CCDC17: variants seen among roughly 807,000 people sequenced by gnomAD.
The protein encoded by CCDC17 is coiled-coil domain-containing protein 17.
In CCDC17, 79 loss-of-function variants were observed where a neutral mutation model predicts 68.0. The observed-to-expected ratio is 1.16, with a 90% confidence interval of 0.97 to 1.40. The LOEUF (loss-of-function observed/expected upper bound fraction) is 1.40, where lower values mean the gene tolerates loss of function less well. CCDC17 is among the 40% of genes most tolerant of loss of function. The pLI is 0.00. For missense variants in CCDC17, 846 were observed against 811.5 expected (o/e 1.04, Z -0.52); for synonymous variants, 376 against 337.5 (o/e 1.11, Z -1.25).
chr1:45,622,845 AG>A lies in CCDC17; in HGVS notation c.657-12del. The A allele has an allele frequency of 6.3e-7, 1 of 1,591,012 alleles. No individual in the cohort carries two copies. Among genetic ancestry groups the A allele is most frequent in the Non-Finnish European group, 8.6e-7 (1 of 1,168,736 alleles). ...GAGCTCAGCGGGTTCCTGGGGTGGC[AG>A]GCGACGCGCAGGGAGACGGTAACGC... is the stretch of plus-strand genomic sequence containing the variant. On this transcript the variant is annotated splice_polypyrimidine_tract_variant and intron_variant, in intron 4 of 12. Coordinates refer to ENST00000528266, the MANE Select transcript of CCDC17 (RefSeq NM_001114938.3).
chr1:45,621,696 C>T lies in CCDC17; in HGVS notation c.1126G>A (p.Asp376Asn), dbSNP rs368751626. ...GATGTGGGCAGGAGGAAGTGTGAGT[C>T]CAGGCCCAGGTTTCTGGTCATTGTT... ...PGTMTRNLGLDSHFLLPTSDM... is the reference protein window; with the variant it reads ...PGTMTRNLGLNSHFLLPTSDM... The change falls in exon 9 of 13, where the codon GAC becomes AAC. Residue 376 changes from aspartate (D) to asparagine (N), a missense_variant. Coordinates refer to ENST00000528266, the MANE Select transcript of CCDC17 (RefSeq NM_001114938.3). The T allele has an allele frequency of 1.2e-6, 2 of 1,613,852 alleles. No homozygotes were observed. The highest frequency in any genetic ancestry group is 8.5e-7 in the Non-Finnish European group (1 of 1,179,860).
In CCDC17 at chr1:45,621,403, T is replaced by C; in HGVS notation, c.1266A>G (p.Ala422=). 6.3e-7 allele frequency: 1 copy of C among 1,595,954 alleles called. No homozygotes were observed. The highest frequency in any genetic ancestry group is 1.3e-5 in the African/African-American group (1 of 74,578). The change falls in exon 10 of 13, where the codon GCA becomes GCG. Residue 422 remains alanine (A), a synonymous_variant. Transcript: ENST00000528266. ...TCCTTCCTGTATCCCGTCCATCGCG[T>C]GCCAAGCCAGTCCTTAGTTGCACCC... ...WIWVQLRTGL[A]RDGRDTGRTT...
rs922163421 is a variant in CCDC17 at position 45,623,946 on chromosome 1, G to A, written c.-37C>T. 7.1e-6 allele frequency: 10 copies of A among 1,402,380 alleles called. No homozygotes were observed. The highest frequency in any genetic ancestry group is 9.5e-6 in the Non-Finnish European group (10 of 1,047,928). 86.9% of individuals were successfully genotyped at this position (1,402,380 alleles called of 1,614,324 possible). ...CGTTTCCTGAAACCAGCCAAGACCT[G>A]CAGAAGGGATCAAGGGCAGGGGAAA... On this transcript the variant is annotated 5_prime_UTR_variant, in exon 1 of 13. Coordinates refer to ENST00000528266, the MANE Select transcript of CCDC17 (RefSeq NM_001114938.3).
In CCDC17 at chr1:45,620,074, G is replaced by C; in HGVS notation, c.*201C>G. 1 of 527,846 alleles carries C rather than the reference G, an allele frequency of 1.9e-6. No individual in the cohort carries two copies. Among genetic ancestry groups the C allele is most frequent in the East Asian group, 3.5e-5 (1 of 28,706 alleles). The allele number at this position is 527,846 out of a possible 1,614,324, so 32.7% of individuals were successfully genotyped here. On this transcript the variant is annotated 3_prime_UTR_variant, in exon 13 of 13. Coordinates refer to ENST00000528266, the MANE Select transcript of CCDC17 (RefSeq NM_001114938.3). ...GACAAACTCATTTAATCCTTAATCT[G>C]TTTTACAAAAACAGAAGAGGTACAG...
In CCDC17 at chr1:45,622,295, G is replaced by A. The variant is rs1332972652; in HGVS notation, c.913C>T (p.Arg305Cys). The A allele has an allele frequency of 3.1e-6, 5 of 1,612,444 alleles. No individual in the cohort carries two copies. The highest frequency in any genetic ancestry group is 3.4e-6 in the Non-Finnish European group (4 of 1,179,338). ...ELPVVEAENR[R>C]LEAEILALQM... ...AAGGCCAAGATTTCTGCCTCCAAGC[G>A]CCGGTTTTCAGCCTCCACTACTGGA... Residue 305 changes from arginine to cysteine, a missense_variant, in exon 7 of 13, where the codon CGC (arginine) becomes TGC (cysteine). By Grantham distance (180) the Arg-to-Cys change is radical. Transcript: ENST00000528266.
In CCDC17 at chr1:45,622,004, A is replaced by G. The variant is rs1254071867; in HGVS notation, c.968-9T>C. ...TCGCAGATCCTGGGGCCCTAGGAGC[A>G]GAAGAGTTAGGGTGCCCCTAAGTTG... On this transcript the variant is annotated splice_polypyrimidine_tract_variant and intron_variant, in intron 7 of 12. Coordinates refer to ENST00000528266, the MANE Select transcript of CCDC17 (RefSeq NM_001114938.3). 1.9e-6 allele frequency: 3 copies of G among 1,596,110 alleles called. No individual in the cohort carries two copies. Among genetic ancestry groups the G allele is most frequent in the Non-Finnish European group, 2.6e-6 (3 of 1,171,762 alleles).
chr1:45,622,864 G>GC, intron 4 of CCDC17, 30 bp from the exon 5 acceptor site: 1 of 1,580,010 alleles, frequency 6.3e-7, no homozygotes, highest in Non-Finnish European at 8.6e-7. Context: ...GCAGGGAGAC[G>GC]GTAACGCATC....
rs1644239157 is a variant in CCDC17, at chr1:45,621,132, G to C, written c.1389-19C>G. On this transcript the variant is annotated intron_variant, in intron 10 of 12. Transcript: ENST00000528266. ...TGGTAGTCTGTAGAATAACCAAAAA[G>C]CAGTGTCGGAAGCCAGAGCTACAGT... 1 of 1,610,550 alleles carries C rather than the reference G, an allele frequency of 6.2e-7. No homozygotes were observed. The highest frequency in any genetic ancestry group is 2.2e-5 in the East Asian group (1 of 44,802).
rs371900685 is a variant in CCDC17 at position 45,621,996 on chromosome 1, C to G, written c.968-1G>C. 6.2e-7 allele frequency: 1 copy of G among 1,602,096 alleles called. No individual in the cohort carries two copies. The highest frequency in any genetic ancestry group is 8.5e-7 in the Non-Finnish European group (1 of 1,174,922). The stretch of plus-strand genomic sequence containing the variant: ...CCCAGGAGTCGCAGATCCTGGGGCC[C>G]TAGGAGCAGAAGAGTTAGGGTGCCC... On this transcript the variant is annotated splice_acceptor_variant, in intron 7 of 12. Transcript: ENST00000528266. LOFTEE classifies it high-confidence loss of function.
Position 45,622,295 on chromosome 1 carries a change from G to T in CCDC17, c.913C>A (p.Arg305Ser), listed in dbSNP as rs1332972652. ...AAGGCCAAGATTTCTGCCTCCAAGC[G>T]CCGGTTTTCAGCCTCCACTACTGGA... Reference protein sequence around the residue: ...ELPVVEAENRRLEAEILALQM... With the variant: ...ELPVVEAENRSLEAEILALQM... Residue 305 changes from arginine to serine, a missense_variant, in exon 7 of 13, where the codon CGC becomes AGC. By Grantham distance (110) the Arg-to-Ser change is moderately radical. Transcript: ENST00000528266. 2 of 1,612,326 alleles carry T rather than the reference G, an allele frequency of 1.2e-6. No individual in the cohort carries two copies. Among genetic ancestry groups the T allele is most frequent in the Non-Finnish European group, 1.7e-6 (2 of 1,179,346 alleles).
rs1206789066 is a variant in CCDC17 at position 45,623,397 on chromosome 1, T to C, written c.313A>G (p.Ile105Val). The C allele has an allele frequency of 3.2e-6, 5 of 1,550,542 alleles. No individual in the cohort carries two copies. In the African/African-American group the frequency reaches 4.1e-5, roughly 13 times the overall value. ...GCGAACACCCTGGGGACCTCTGTTA[T>C]CCAGGGCCGCATTTCCTGTAGGGAT... ...RLSLQEMRPW[I>V]TEVPRVFAGP... Residue 105 changes from isoleucine (I) to valine (V), a missense_variant, in exon 3 of 13, where the codon ATA becomes GTA. Coordinates refer to ENST00000528266, the MANE Select transcript of CCDC17 (RefSeq NM_001114938.3).
intron 7 of CCDC17, 111 bp from the exon 8 acceptor site, chr1:45,622,106 T>G: frequency 7.8e-7 from 1 of 1,274,004 alleles, no homozygotes; most frequent in Non-Finnish European, 1.1e-6. Flanking sequence ...GCCCTGTGGA[T>G]ACAGGGATAC....
At chr1:45,621,211 A>G in intron 10 of CCDC17, 70 bp downstream of exon 10, 1 of 1,545,626 alleles carries the variant, frequency 6.5e-7, no homozygotes, top group Non-Finnish European at 8.8e-7. Context: ...ACAGATGAGA[A>G]AACTTAGCAG....
Position 45,623,329 on chromosome 1 carries a change from CATGGGACTCTGAGGCCGCGCCTCGGAA to C in CCDC17, c.354_380del (p.Arg122_Ala130del), listed in dbSNP as rs904612533. On this transcript the variant is annotated inframe_deletion, in exon 3 of 13. Coordinates refer to ENST00000528266, the MANE Select transcript of CCDC17 (RefSeq NM_001114938.3). ...CGCTGGGGCTTCCCACCGCCTCGGA[CATGGGACTCTGAGGCCGCGCCTCGGAA>C]CGTGTCCAGGGCCCCGCGAACACCC... is the stretch of plus-strand genomic sequence containing the variant. 25 of 1,550,546 alleles carry C rather than the reference CATGGGACTCTGAGGCCGCGCCTCGGAA, an allele frequency of 1.6e-5. No homozygotes were observed. In the African/African-American group the frequency reaches 3.4e-4, roughly 21 times the overall value.
At position 45,623,088 on chromosome 1, in the gene CCDC17, A is replaced by G. The variant is rs1432743916; in HGVS notation, c.523T>C (p.Cys175Arg). The part of the protein sequence containing the change: ...ELSRRLQVVA[C>R]TRGGMSRLFG... ...AGGCGGGACATCCCGCCCCGCGTAC[A>G]GGCCACAACTTGGAGGCGTCGGCTC... Residue 175 changes from cysteine to arginine, a missense_variant, in exon 4 of 13, where the codon TGT (cysteine) becomes CGT (arginine). Physicochemically the swap from Cys to Arg is radical, Grantham distance 180 (BLOSUM62 -3). Coordinates refer to ENST00000528266, the MANE Select transcript of CCDC17 (RefSeq NM_001114938.3). The G allele has an allele frequency of 1.3e-6, 2 of 1,590,782 alleles. No individual in the cohort carries two copies. Among genetic ancestry groups the G allele is most frequent in the East Asian group, 2.3e-5 (1 of 43,728 alleles).
In CCDC17 at chr1:45,620,953, G is replaced by A; in HGVS notation, c.1549C>T (p.Leu517Phe). Residue 517 changes from leucine (L) to phenylalanine (F), a missense_variant, in exon 11 of 13, where the codon CTT becomes TTT. By Grantham distance (22) the Leu-to-Phe change is conservative. Coordinates refer to ENST00000528266, the MANE Select transcript of CCDC17 (RefSeq NM_001114938.3). ...AGGCTAAGGCTGGGGTCCAGAGGAA[G>A]GGCCCGAAGTGGGAGGCGCCAGCGG... Reference protein sequence around the residue: ...SGRWRLPLRALPLDPSLSLGQ... With the variant: ...SGRWRLPLRAFPLDPSLSLGQ... 6.2e-7 allele frequency: 1 copy of A among 1,613,920 alleles called. No individual in the cohort carries two copies. The highest frequency in any genetic ancestry group is 8.5e-7 in the Non-Finnish European group (1 of 1,179,858).
At chr1:45,621,591 A>G (rs779787845) in intron 9 of CCDC17, 47 bp downstream of exon 9, 10 of 1,604,884 alleles carry the variant, frequency 6.2e-6, no homozygotes, top group Non-Finnish European at 8.5e-6. Context: ...CTTAACCAGC[A>G]GTGCTGGCCA....
intron 3 of CCDC17, 43 bp from the exon 4 acceptor site, chr1:45,623,160 T>G: frequency 6.5e-7 from 1 of 1,539,794 alleles, no homozygotes; most frequent in Non-Finnish European, 8.8e-7. Flanking sequence ...CGAGCAAGCT[T>G]AAGCCAAACG....
chr1:45,621,122 T>C lies in CCDC17; in HGVS notation c.1389-9A>G. The C allele has an allele frequency of 6.2e-7, 1 of 1,612,888 alleles. No individual in the cohort carries two copies. The highest frequency in any genetic ancestry group is 8.5e-7 in the Non-Finnish European group (1 of 1,179,368). On this transcript the variant is annotated splice_polypyrimidine_tract_variant and intron_variant, in intron 10 of 12. Transcript: ENST00000528266. ...ATGATGAGGGTGGTAGTCTGTAGAA[T>C]AACCAAAAAGCAGTGTCGGAAGCCA... is the stretch of plus-strand genomic sequence containing the variant.
Sources: gnomAD v4.1 joint callset for allele counts on GRCh38, gnomAD v4.1.1 for gene constraint, MANE v1.5 for transcripts, NCBI Gene and HGNC (gene_info 2026-07-23, HGNC 2026-07-21) for gene names.